The following ANKRD45 variants were observed in gnomAD, a reference collection of about 807,000 sequenced individuals.
ANKRD45 encodes ankyrin repeat domain-containing protein 45.
Under a neutral mutation model 28.1 loss-of-function variants are expected in ANKRD45, and 21 were observed. That is an observed-to-expected ratio of 0.75 (90% CI 0.53 to 1.08). The LOEUF is 1.08. Ranked by LOEUF, ANKRD45 falls within the 50% of genes least tolerant of loss-of-function variation. ANKRD45 has a pLI of 0.00. For missense variants in ANKRD45, 261 were observed against 308.7 expected, an observed-to-expected ratio of 0.85 and a Z score of 1.16; for synonymous variants, 86 against 103.9, an observed-to-expected ratio of 0.83 and a Z score of 1.05.
intron 2 of ANKRD45, 69 bp downstream of exon 2, chr1:173,659,022 C>T (rs764268607): frequency 1.3e-6 from 2 of 1,550,148 alleles, no homozygotes; most frequent in Admixed American, 1.9e-5. Context: ...TATATCTAAC[C>T]TTAAAGATAT....
the ANKRD45 span, among the ~76,000 whole-genome samples, chr1:173,711,458 C>G: frequency 1.3e-5 from 2 of 152,194 alleles, no homozygotes; most frequent in African/African-American, 4.8e-5. Flanking sequence ...AGATAAGAGA[C>G]AAATTGTTGC....
At position 173,659,379 on chromosome 1, in the gene ANKRD45, A is replaced by C; in HGVS notation, c.40T>G (p.Phe14Val). 1.2e-6 allele frequency: 2 copies of C among 1,603,462 alleles called. No individual in the cohort carries two copies. The highest frequency in any genetic ancestry group is 1.7e-6 in the Non-Finnish European group (2 of 1,176,618). ...EGPPESESSE[F>V]FSQQEEENEE... Reference sequence around the variant, plus strand: ...TTTTCCTCTTCTTGCTGTGAGAAAAATTCTGAACTCTCTGACTCTGGAGGT... The same window carrying C: ...TTTTCCTCTTCTTGCTGTGAGAAAACTTCTGAACTCTCTGACTCTGGAGGT... The change falls in exon 2 of 6, where the codon TTT (phenylalanine) becomes GTT (valine). Residue 14 changes from phenylalanine (F) to valine (V), a missense_variant. Coordinates refer to ENST00000333279, the MANE Select transcript of ANKRD45 (RefSeq NM_198493.3).
rs552129547 is a variant in ANKRD45 at position 173,635,249 on chromosome 1, A to G, written c.497-8090T>C. ...GGTCAGGTGACACCTTTTAGTTCCAATGTGGTTATTTATGATGTCACTGAA... is the reference window on the plus strand; with the variant it reads ...GGTCAGGTGACACCTTTTAGTTCCAGTGTGGTTATTTATGATGTCACTGAA... On this transcript the variant is annotated intron_variant, in intron 3 of 5. Coordinates refer to ENST00000333279, the MANE Select transcript of ANKRD45 (RefSeq NM_198493.3). The G allele has an allele frequency of 2.6e-4, 80 of 302,004 alleles. 1 individual carries two copies. The South Asian group carries it at 5.0e-3, about 19-fold the overall frequency. 18.7% of individuals were successfully genotyped at this position (302,004 alleles called of 1,614,324 possible).
At chr1:173,638,207 C>A (rs564605781) in intron 3 of ANKRD45, among the ~76,000 whole-genome samples, 11 of 152,132 alleles carry the variant, frequency 7.2e-5, no homozygotes, top group African/African-American at 2.6e-4. Context: ...GGAAGGTTAA[C>A]CTCCCAGGGA....
chr1:173,614,339 CTG>C (rs1024777315), intron 5 of ANKRD45, among the ~76,000 whole-genome samples: 10 of 151,798 alleles, frequency 6.6e-5, no homozygotes, highest in Admixed American at 6.6e-5. Flanking sequence ...GAAACAGAAA[CTG>C]TGGAAAAGGG....
intron 3 of ANKRD45, among the ~76,000 whole-genome samples, chr1:173,633,646 T>C (rs1351632195): frequency 6.6e-6 from 1 of 151,836 alleles, no homozygotes; most frequent in Admixed American, 6.6e-5. Flanking sequence ...GGCCTAAAAA[T>C]AGACACATAG....
intron 3 of ANKRD45, among the ~76,000 whole-genome samples, chr1:173,633,891 G>C (rs865981077): frequency 1.3e-5 from 2 of 151,978 alleles, no homozygotes; most frequent in African/African-American, 4.8e-5. Flanking sequence ...ACTACTGTAA[G>C]AAAACATTTG....
chr1:173,697,525 A>G, the ANKRD45 span, among the ~76,000 whole-genome samples: 1 of 152,202 alleles, frequency 6.6e-6, no homozygotes, highest in Non-Finnish European at 1.5e-5. Context: ...ATTCTTAAAG[A>G]AAAGAATGTT....
At chr1:173,646,712 T>A (rs139631360) in intron 3 of ANKRD45, 134 bp downstream of exon 3, 25 of 826,012 alleles carry the variant, frequency 3.0e-5, no homozygotes, top group African/African-American at 2.5e-4. Flanking sequence ...GGAAATTTCA[T>A]GTATTATCAC....
chr1:173,621,523 A>G (rs1380723411), intron 5 of ANKRD45, among the ~76,000 whole-genome samples: 2 of 152,226 alleles, frequency 1.3e-5, no homozygotes, highest in East Asian at 1.9e-4. Flanking sequence ...AATAAATGTA[A>G]TTCATCACAT....
intron 2 of ANKRD45, among the ~76,000 whole-genome samples, chr1:173,651,992 G>T (rs12084685): frequency 6.6e-5 from 10 of 152,066 alleles, no homozygotes; most frequent in African/African-American, 1.7e-4. Context: ...AAGGAGATTT[G>T]GGGCTGAAAC....
At chr1:173,692,495 G>T in the ANKRD45 span, among the ~76,000 whole-genome samples, 664 of 152,232 alleles carry the variant, frequency 4.4e-3, 1 homozygote, top group Middle Eastern at 0.017. Flanking sequence ...TGAATAGAAT[G>T]GGAGGCAGAT....
chr1:173,683,865 A>C, the ANKRD45 span, among the ~76,000 whole-genome samples: 3 of 152,196 alleles, frequency 2.0e-5, no homozygotes, highest in Non-Finnish European at 4.4e-5. Context: ...CTTCTATAGA[A>C]GGGTGTGCCC....
intron 5 of ANKRD45, among the ~76,000 whole-genome samples, chr1:173,624,487 C>CG (rs1207553629): frequency 4.8e-5 from 6 of 125,258 alleles, no homozygotes; most frequent in South Asian, 2.3e-4. Context: ...ACTCTGCCTC[C>CG]GGGGGAAAAA....
At chr1:173,611,576 TACAC>T (rs57884253) in intron 5 of ANKRD45, among the ~76,000 whole-genome samples, 22,555 of 133,620 alleles carry the variant, frequency 0.17, 1,470 homozygotes, top group East Asian at 0.27. Flanking sequence ...AATACATACA[TACAC>T]ACACACACAC....
At chr1:173,658,809 A>T in intron 2 of ANKRD45, 1 of 259,148 alleles carries the variant, frequency 3.9e-6, no homozygotes, top group Non-Finnish European at 7.2e-6. Context: ...TATAATTATT[A>T]TCCCCATTTT....
At chr1:173,681,136 T>TA in the ANKRD45 span, among the ~76,000 whole-genome samples, 52 of 151,804 alleles carry the variant, frequency 3.4e-4, no homozygotes, top group African/African-American at 5.5e-4. Context: ...ATAATTTTTT[T>TA]AAAAAAAAGG....
intron 5 of ANKRD45, among the ~76,000 whole-genome samples, chr1:173,611,608 CACACACACACACAA>C (rs1408108273): frequency 5.1e-4 from 76 of 148,496 alleles, no homozygotes; most frequent in South Asian, 1.7e-3. Flanking sequence ...CACACACACA[CACACACACACACAA>C]TAAAAATATA....
At chr1:173,683,173 T>A in the ANKRD45 span, among the ~76,000 whole-genome samples, 1 of 152,126 alleles carries the variant, frequency 6.6e-6, no homozygotes, top group Admixed American at 6.6e-5. Context: ...ACTTATATGA[T>A]TACTGAGCAC....
Sources: allele counts gnomAD v4.1 joint callset (sites outside exome capture counted in the v4.1 genomes callset), GRCh38; gene constraint gnomAD v4.1.1; transcripts MANE v1.5; gene names NCBI Gene and HGNC (gene_info 2026-07-23, HGNC 2026-07-21).